Variants in SGCZ observed in about 807,000 individuals in gnomAD.
SGCZ encodes the protein zeta-sarcoglycan.
In SGCZ, 40 loss-of-function variants were observed where a neutral mutation model predicts 41.3. The ratio of observed to expected loss-of-function variants is 0.97; its 90% confidence interval spans 0.75 to 1.26. SGCZ has a LOEUF of 1.26. Ranked by LOEUF, SGCZ falls within the 50% of genes most tolerant of loss-of-function variation. SGCZ has a pLI of 0.00. For synonymous variants in SGCZ, 206 were observed against 137.5 expected (o/e 1.50, Z -3.49); for missense variants, 552 against 369.8 (o/e 1.49, Z -4.04).
chr8:14,755,577 C>T (rs532360906), intron 1 of SGCZ, among the ~76,000 whole-genome samples: 40 of 152,212 alleles, frequency 2.6e-4, no homozygotes, highest in Admixed American at 2.6e-4. Context: ...GAGTAATGAC[C>T]TTTGATAAGC....
intron 4 of SGCZ, among the ~76,000 whole-genome samples, chr8:14,202,866 A>C (rs1284030444): frequency 6.6e-6 from 1 of 152,156 alleles, no homozygotes; most frequent in Non-Finnish European, 1.5e-5. Context: ...TCTCCACCCA[A>C]ATCTCATCTT....
At chr8:14,328,554 A>C (rs1802202532) in intron 2 of SGCZ, among the ~76,000 whole-genome samples, 1 of 152,186 alleles carries the variant, frequency 6.6e-6, no homozygotes, top group Non-Finnish European at 1.5e-5. Context: ...TTTATGTCAA[A>C]CTACTCAATA....
chr8:14,462,874 T>C (rs1800941987), intron 2 of SGCZ, among the ~76,000 whole-genome samples: 1 of 151,756 alleles, frequency 6.6e-6, no homozygotes, highest in African/African-American at 2.4e-5. Flanking sequence ...TTTAAGAATT[T>C]TTTTTTGAGT....
rs1350928616 is a variant in SGCZ, at chr8:14,402,811, T to C, written c.235-78607A>G. Among the ~76,000 whole-genome samples, 4 of 149,182 alleles carry C rather than the reference T, an allele frequency of 2.7e-5. No individual in the cohort carries two copies. The East Asian group carries it at 7.7e-4, about 29-fold the overall frequency. On this transcript the variant is annotated intron_variant, in intron 2 of 7. Transcript: ENST00000382080. ...CCATATGAACTTTAAAGTAGTTTTT[T>C]CCAATTCTGTGAAGAAAGGCATTGG...
intron 2 of SGCZ, among the ~76,000 whole-genome samples, chr8:14,438,303 T>A (rs1223627930): frequency 6.6e-6 from 1 of 151,998 alleles, no homozygotes; most frequent in Non-Finnish European, 1.5e-5. Context: ...AAAAGGTCAA[T>A]AGAGTGTATT....
chr8:15,225,092 T>C (rs936809657), intron 1 of SGCZ, among the ~76,000 whole-genome samples: 3 of 152,180 alleles, frequency 2.0e-5, no homozygotes, highest in African/African-American at 7.2e-5. Flanking sequence ...CTTAATCTAA[T>C]GGACATATAT....
At chr8:14,318,665 G>A (rs1801805990) in intron 3 of SGCZ, among the ~76,000 whole-genome samples, 1 of 151,876 alleles carries the variant, frequency 6.6e-6, no homozygotes. Flanking sequence ...ATCCAGGTCT[G>A]GTTGGCACAA....
At chr8:14,309,232 C>G in intron 3 of SGCZ, 2 of 1,515,536 alleles carry the variant, frequency 1.3e-6, no homozygotes, top group Non-Finnish European at 1.8e-6. Context: ...CTGTTGAAGA[C>G]TTCTGGGCTC....
At chr8:14,981,945 T>C (rs1801675460) in intron 1 of SGCZ, among the ~76,000 whole-genome samples, 1 of 151,338 alleles carries the variant, frequency 6.6e-6, no homozygotes, top group Non-Finnish European at 1.5e-5. Context: ...AGGTCAGGAG[T>C]TCAAGACCAG....
intron 2 of SGCZ, among the ~76,000 whole-genome samples, chr8:14,407,214 G>A (rs576946327): frequency 6.6e-6 from 1 of 151,858 alleles, no homozygotes; most frequent in South Asian, 2.1e-4. Flanking sequence ...GATTACAGGT[G>A]TGTGCCACCA....
intron 1 of SGCZ, among the ~76,000 whole-genome samples, chr8:14,901,086 A>C (rs2130760204): frequency 6.6e-6 from 1 of 152,154 alleles, no homozygotes; most frequent in South Asian, 2.1e-4. Flanking sequence ...GAGAGCTTGA[A>C]CTCCTGTTAT....
chr8:14,344,332 G>C (rs149140752), intron 2 of SGCZ, among the ~76,000 whole-genome samples: 135 of 151,420 alleles, frequency 8.9e-4, no homozygotes, highest in African/African-American at 3.2e-3. Flanking sequence ...ACTGGAACCA[G>C]GAAAAATACA....
At chr8:14,373,739 T>C (rs138491877) in intron 2 of SGCZ, among the ~76,000 whole-genome samples, 267 of 152,096 alleles carry the variant, frequency 1.8e-3, no homozygotes, top group East Asian at 7.4e-3. Flanking sequence ...TAAAGAAAGA[T>C]TGAGATGAGA....
chr8:14,282,466 C>G (rs955848363), intron 3 of SGCZ, among the ~76,000 whole-genome samples: 18 of 152,164 alleles, frequency 1.2e-4, no homozygotes, highest in Non-Finnish European at 2.5e-4. Context: ...AACACACACA[C>G]CTATGAATAT....
In SGCZ at chr8:14,369,809, A is replaced by G. The variant is rs1405990109; in HGVS notation, c.235-45605T>C. Among the ~76,000 whole-genome samples, 6 of 152,028 alleles carry G rather than the reference A, an allele frequency of 3.9e-5. No individual in the cohort carries two copies. The East Asian group carries it at 7.7e-4, about 19-fold the overall frequency. The stretch of plus-strand genomic sequence containing the variant: ...GCTTAAATTGCCCAATTAATTAAAT[A>G]TTAAGTAATTACATGATTATTTAGA... On this transcript the variant is annotated intron_variant, in intron 2 of 7. Transcript: ENST00000382080.
chr8:14,771,258 G>T (rs982860342), intron 1 of SGCZ, among the ~76,000 whole-genome samples: 1 of 152,218 alleles, frequency 6.6e-6, no homozygotes, highest in South Asian at 2.1e-4. Flanking sequence ...ACCTCTGTGT[G>T]GGGTCAGAGG....
chr8:14,262,819 GA>G (rs576967089), intron 3 of SGCZ, among the ~76,000 whole-genome samples: 18,334 of 120,514 alleles, frequency 0.15, 1,226 homozygotes, highest in Middle Eastern at 0.21. Context: ...AATACTTCAA[GA>G]AAAAAAAAAA....
At chr8:15,208,017 C>A (rs1335420273) in intron 1 of SGCZ, among the ~76,000 whole-genome samples, 3 of 152,192 alleles carry the variant, frequency 2.0e-5, no homozygotes, top group African/African-American at 4.8e-5. Flanking sequence ...CTTAGAAACA[C>A]TGAATGTAAA....
At chr8:14,555,105 CA>C (rs1352142681) in intron 1 of SGCZ, among the ~76,000 whole-genome samples, 179 bp from the exon 2 acceptor site, 1 of 151,804 alleles carries the variant, frequency 6.6e-6, no homozygotes, top group Non-Finnish European at 1.5e-5. Flanking sequence ...TCATTTTGTT[CA>C]ATATAGTTTT....
Sources: gnomAD v4.1 joint callset for allele counts (sites outside exome capture counted in the v4.1 genomes callset) on GRCh38, gnomAD v4.1.1 for gene constraint, MANE v1.5 for transcripts, NCBI Gene and HGNC (gene_info 2026-07-23, HGNC 2026-07-21) for gene names.